The following CSGALNACT1 variants were observed in gnomAD, a reference collection of about 807,000 sequenced individuals.
CSGALNACT1 encodes chondroitin sulfate N-acetylgalactosaminyltransferase 1, also known as beta4GalNAcT-1.
CSGALNACT1 carries 52 observed loss-of-function variants against 51.0 expected under a neutral mutation model. The observed-to-expected ratio is 1.02, with a 90% CI of 0.82 to 1.29. The LOEUF is 1.29. Ranked by LOEUF, CSGALNACT1 falls within the 50% of genes most tolerant of loss-of-function variation. The pLI is 0.00. For missense variants in CSGALNACT1, 935 were observed against 679.2 expected, an observed-to-expected ratio of 1.38 and a Z score of -4.19; for synonymous variants, 341 against 254.4, an observed-to-expected ratio of 1.34 and a Z score of -3.24.
chr8:19,501,578 G>C (rs2076423357), intron 4 of CSGALNACT1, among the ~76,000 whole-genome samples: 1 of 152,200 alleles, frequency 6.6e-6, no homozygotes, highest in Non-Finnish European at 1.5e-5. Context: ...GAGCCACACA[G>C]GCTGGTGACA....
chr8:19,557,823 G>A (rs1349477824), intron 3 of CSGALNACT1, among the ~76,000 whole-genome samples: 1 of 152,142 alleles, frequency 6.6e-6, no homozygotes, highest in Non-Finnish European at 1.5e-5. Flanking sequence ...ACCCCATGAG[G>A]AAGGAACTTC....
intron 3 of CSGALNACT1, among the ~76,000 whole-genome samples, chr8:19,524,954 C>A (rs1254479725): frequency 2.0e-5 from 3 of 152,190 alleles, no homozygotes; most frequent in African/African-American, 7.2e-5. Context: ...ATCCCCACTA[C>A]AGACACTTGT....
chr8:19,556,417 C>G (rs2039447027), intron 3 of CSGALNACT1, among the ~76,000 whole-genome samples: 1 of 151,190 alleles, frequency 6.6e-6, no homozygotes, highest in African/African-American at 2.4e-5. Context: ...TATTATGGAA[C>G]AAAATCCTAC....
intron 4 of CSGALNACT1, among the ~76,000 whole-genome samples, chr8:19,484,563 C>T (rs145549564): frequency 1.4e-3 from 219 of 152,202 alleles, no homozygotes; most frequent in South Asian, 6.0e-3. Flanking sequence ...AGAAAGGAAA[C>T]GTTACTGGCA....
intron 5 of CSGALNACT1, among the ~76,000 whole-genome samples, chr8:19,445,025 G>C (rs1315199124): frequency 6.6e-6 from 1 of 152,204 alleles, no homozygotes. Flanking sequence ...TCTGGTGGAA[G>C]AAAGAGCACC....
intron 2 of CSGALNACT1, among the ~76,000 whole-genome samples, chr8:19,597,970 C>A (rs940554335): frequency 2.0e-5 from 3 of 152,220 alleles, no homozygotes; most frequent in Non-Finnish European, 4.4e-5. Context: ...CCAGCCCCAT[C>A]CCAGCCTGGG....
At position 19,577,085 on chromosome 8, in the gene CSGALNACT1, T is replaced by G. The variant is rs555276383; in HGVS notation, c.-297+14075A>C. ...TTTGGGAAAGAGAGAGAGGGTAACA[T>G]GTATTTATTCACAAAGAAAGAAGAT... is the stretch of plus-strand genomic sequence containing the variant. On this transcript the variant is annotated intron_variant, in intron 3 of 9. Coordinates refer to ENST00000454498, the Ensembl canonical transcript of CSGALNACT1. Among the ~76,000 whole-genome samples, 6 of 152,018 alleles carry G rather than the reference T, an allele frequency of 3.9e-5. No homozygotes were observed. The South Asian group carries it at 6.2e-4, about 16-fold the overall frequency.
intron 1 of CSGALNACT1, among the ~76,000 whole-genome samples, chr8:19,705,885 A>G (rs762794634): frequency 6.6e-6 from 1 of 152,188 alleles, no homozygotes; most frequent in Non-Finnish European, 1.5e-5. Flanking sequence ...AAGCTGAATA[A>G]TCGAATGACA....
At chr8:19,723,313 G>C (rs7823121) in intron 1 of CSGALNACT1, among the ~76,000 whole-genome samples, 1 of 152,102 alleles carries the variant, frequency 6.6e-6, no homozygotes, top group Non-Finnish European at 1.5e-5. Context: ...ACGTGCTAAC[G>C]AAAGACAAGT....
intron 4 of CSGALNACT1, among the ~76,000 whole-genome samples, chr8:19,475,464 C>G (rs1282291144): frequency 6.6e-6 from 1 of 152,124 alleles, no homozygotes; most frequent in Non-Finnish European, 1.5e-5. Context: ...AAAGTATGTT[C>G]CAATCACCAT....
intron 3 of CSGALNACT1, among the ~76,000 whole-genome samples, chr8:19,520,410 C>T (rs76423287): frequency 0.042 from 6,329 of 152,344 alleles, 413 homozygotes; most frequent in African/African-American, 0.14. Flanking sequence ...ATTTTTAAGG[C>T]TGTGGCTCCA....
intron 1 of CSGALNACT1, among the ~76,000 whole-genome samples, chr8:19,702,441 G>A (rs1201975528): frequency 1.3e-5 from 2 of 152,118 alleles, no homozygotes; most frequent in African/African-American, 2.4e-5. Flanking sequence ...CAGCCCAGGA[G>A]TTGAAGGCTG....
intron 1 of CSGALNACT1, among the ~76,000 whole-genome samples, chr8:19,681,620 G>A (rs2060626020): frequency 6.6e-6 from 1 of 152,122 alleles, no homozygotes; most frequent in Non-Finnish European, 1.5e-5. Flanking sequence ...ACCATAATTT[G>A]GTACGTCCAA....
In CSGALNACT1 at chr8:19,570,274, G is replaced by A. The variant is rs146748140; in HGVS notation, c.-297+20886C>T. Among the ~76,000 whole-genome samples, 777 of 152,148 alleles carry A rather than the reference G, an allele frequency of 5.1e-3. 3 individuals carry two copies. Among genetic ancestry groups the A allele is most frequent in the African/African-American group, 0.017 (712 of 41,486 alleles). ...GGCTGTTTCCCAAGGCTTAATATTC[G>A]TTTTAATCATTTTAATTATGGGAAG... is the stretch of plus-strand genomic sequence containing the variant. On this transcript the variant is annotated intron_variant, in intron 3 of 9. Transcript: ENST00000454498.
intron 3 of CSGALNACT1, among the ~76,000 whole-genome samples, chr8:19,540,145 C>T (rs568323303): frequency 6.0e-4 from 91 of 152,194 alleles, no homozygotes; most frequent in Non-Finnish European, 1.1e-3. Context: ...ATGTGTTTTA[C>T]AATACCCCAG....
chr8:19,556,394 A>T (rs879422755), intron 3 of CSGALNACT1, among the ~76,000 whole-genome samples: 201 of 152,256 alleles, frequency 1.3e-3, no homozygotes, highest in Middle Eastern at 6.8e-3. Flanking sequence ...GAAAAAAAAA[A>T]AAAAGATGAT....
upstream of CSGALNACT1, among the ~76,000 whole-genome samples, chr8:19,606,733 C>CCTCAT (rs771804145): frequency 4.6e-5 from 7 of 152,144 alleles, no homozygotes; most frequent in Non-Finnish European, 7.3e-5. Context: ...CAATTTCTTA[C>CCTCAT]CTCAATAAAT....
At chr8:19,655,920 T>C (rs1434762652) in intron 1 of CSGALNACT1, among the ~76,000 whole-genome samples, 4 of 152,200 alleles carry the variant, frequency 2.6e-5, no homozygotes, top group Admixed American at 6.5e-5. Flanking sequence ...ACTACTATGC[T>C]AATTGAAAGG....
intron 1 of CSGALNACT1, among the ~76,000 whole-genome samples, chr8:19,644,766 C>G (rs897962892): frequency 6.7e-6 from 1 of 148,804 alleles, no homozygotes; most frequent in Non-Finnish European, 1.5e-5. Context: ...TCTCATCAAG[C>G]CAAAGCTTCT....
Sources: gnomAD v4.1 joint callset for allele counts (sites outside exome capture counted in the v4.1 genomes callset) on GRCh38, gnomAD v4.1.1 for gene constraint, MANE v1.5 for transcripts, NCBI Gene and HGNC (gene_info 2026-07-23, HGNC 2026-07-21) for gene names.